HSPA4L: variants seen among roughly 807,000 people sequenced by gnomAD.
HSPA4L encodes the protein heat shock 70 kDa protein 4L.
A neutral mutation model predicts 100.3 loss-of-function variants in HSPA4L; 48 were observed. The observed-to-expected ratio is 0.48, with a 90% CI of 0.38 to 0.61. The LOEUF (loss-of-function observed/expected upper bound fraction) is 0.61, where lower values mean the gene tolerates loss of function less well. Ranked by LOEUF, HSPA4L falls within the 20% of genes least tolerant of loss-of-function variation. HSPA4L has a pLI of 0.00. For missense variants in HSPA4L, 886 were observed against 988.6 expected, an observed-to-expected ratio of 0.90 and a Z score of 1.39; for synonymous variants, 319 against 328.2, an observed-to-expected ratio of 0.97 and a Z score of 0.30.
chr4:127,785,250 T>C (rs1033907195), intron 1 of HSPA4L, among the ~76,000 whole-genome samples: 1 of 152,170 alleles, frequency 6.6e-6, no homozygotes, highest in African/African-American at 2.4e-5. Flanking sequence ...CCTGCATAAA[T>C]TGAAGAGACA....
intron 1 of HSPA4L, among the ~76,000 whole-genome samples, chr4:127,793,344 A>C (rs1560652391): frequency 6.6e-6 from 1 of 152,064 alleles, no homozygotes; most frequent in Non-Finnish European, 1.5e-5. Context: ...TTTTCAATAG[A>C]CTATACATTC....
chr4:127,782,633 A>G lies in HSPA4L; in HGVS notation c.83A>G (p.Asn28Ser), dbSNP rs149145774. 9 of 1,613,686 alleles carry G rather than the reference A, an allele frequency of 5.6e-6. No individual in the cohort carries two copies. Among genetic ancestry groups the G allele is most frequent in the Non-Finnish European group, 6.8e-6 (8 of 1,179,836 alleles). The change falls in exon 1 of 19, where the codon AAT becomes AGT. Residue 28 changes from asparagine (N) to serine (S), a missense_variant. Coordinates refer to ENST00000296464, the MANE Select transcript of HSPA4L (RefSeq NM_014278.4). ...AGTGGCGGCATCGAGACCATCGCCA[A>G]TGAGTACAGCGACAGGTGTACCCCG... ...ARSGGIETIA[N>S]EYSDRCTPAC... is the part of the protein sequence containing the mutation.
rs1171402004 is a variant in HSPA4L, at chr4:127,840,339, C to T, written c.*7465C>T. 3.3e-5 allele frequency: 5 copies of T among 152,116 alleles called. No individual in the cohort carries two copies. Among genetic ancestry groups the T allele is most frequent in the African/African-American group, 1.2e-4 (5 of 41,420 alleles). The allele number at this position is 152,116 out of a possible 1,614,324, so 9.4% of individuals were successfully genotyped here. ...ACAATTCCTCTTTTTAAGAGAGGTA[C>T]TACATTTGATTTCTCAATTTCTCAG... On this transcript the variant is annotated 3_prime_UTR_variant, in exon 19 of 19. Coordinates refer to ENST00000296464, the MANE Select transcript of HSPA4L (RefSeq NM_014278.4).
Position 127,797,602 on chromosome 4 carries a change from A to T in HSPA4L, c.307-985A>T, listed in dbSNP as rs868239799. On this transcript the variant is annotated intron_variant, in intron 3 of 18. Coordinates refer to ENST00000296464, the MANE Select transcript of HSPA4L (RefSeq NM_014278.4). ...TTTATTTCATCTAACTTTAAAAAAA[A>T]TTTTTTTTTTTTTTTTTGAGACGGA... Among the ~76,000 whole-genome samples the T allele has an allele frequency of 5.2e-3, 709 of 136,766 alleles. 8 individuals are homozygous for T. The highest frequency in any genetic ancestry group is 0.018 in the African/African-American group (637 of 36,234). 89.7% of individuals were successfully genotyped at this position (136,766 alleles called of 152,430 possible). A position where few individuals can be genotyped will look rare whatever the true frequency, so the allele number is the denominator to read the frequency against.
intron 18 of HSPA4L, among the ~76,000 whole-genome samples, 176 bp from the exon 19 acceptor site, chr4:127,832,493 CACAGACATATACTA>C (rs1734107266): frequency 6.6e-6 from 1 of 152,042 alleles, no homozygotes; most frequent in South Asian, 2.1e-4. Context: ...TTTTGACTGC[CACAGACATATACTA>C]ACAAACAAGG....
intron 16 of HSPA4L, among the ~76,000 whole-genome samples, chr4:127,827,077 C>T (rs543452012): frequency 6.6e-6 from 1 of 152,170 alleles, no homozygotes; most frequent in South Asian, 2.1e-4. Flanking sequence ...ATTTGAGAAG[C>T]TAAGAAGTAA....
In HSPA4L at chr4:127,834,547, T is replaced by C. The variant is rs1734161786; in HGVS notation, c.*1673T>C. 1 of 152,218 alleles carries C rather than the reference T, an allele frequency of 6.6e-6. No homozygotes were observed. Among genetic ancestry groups the C allele is most frequent in the South Asian group, 2.1e-4 (1 of 4,832 alleles). 9.4% of individuals were successfully genotyped at this position (152,218 alleles called of 1,614,324 possible). ...ATAAACTTAATATATTTTTAAACTC[T>C]CCTAGTCTTTAAACTTTCTCTTAAT... On this transcript the variant is annotated 3_prime_UTR_variant, in exon 19 of 19. Transcript: ENST00000296464.
At chr4:127,788,419 C>T (rs1012142390) in intron 1 of HSPA4L, among the ~76,000 whole-genome samples, 1 of 152,208 alleles carries the variant, frequency 6.6e-6, no homozygotes, top group Non-Finnish European at 1.5e-5. Context: ...TCTTCCCCCT[C>T]CCCCTTCTAG....
Position 127,805,255 on chromosome 4 carries a change from G to A in HSPA4L, c.1137+31G>A, listed in dbSNP as rs1733319599. The A allele has an allele frequency of 2.6e-6, 4 of 1,552,692 alleles. No homozygotes were observed. The South Asian group carries it at 4.9e-5, about 19-fold the overall frequency. ...ATTGTTATTTTATTTTTTAGAATAT[G>A]TATTTTGCCAGAAATGAGTGATAGA... is the stretch of plus-strand genomic sequence containing the variant. On this transcript the variant is annotated intron_variant, in intron 9 of 18. Transcript: ENST00000296464.
At chr4:127,808,151 C>G (rs758866358) in intron 11 of HSPA4L, 22 bp downstream of exon 11, 1 of 1,573,282 alleles carries the variant, frequency 6.4e-7, no homozygotes, top group Non-Finnish European at 8.6e-7. Flanking sequence ...AAAAGTTCTC[C>G]ATAACATTTT....
In HSPA4L at chr4:127,801,192, G is replaced by A. The variant is rs145179103; in HGVS notation, c.484G>A (p.Val162Ile). 1.0e-3 allele frequency: 1,678 copies of A among 1,612,978 alleles called. 6 individuals carry two copies. The highest frequency in any genetic ancestry group is 2.5e-3 in the Admixed American group (149 of 59,814). ...AAGATCTGTGATGGCTGCAGCCCAG[G>A]TTGCAGGCTTAAATTGTTTAAGGTT... Reference protein sequence around the residue: ...ERRSVMAAAQVAGLNCLRLMN... With the variant: ...ERRSVMAAAQIAGLNCLRLMN... Residue 162 changes from valine to isoleucine, a missense_variant, in exon 5 of 19, where the codon GTT becomes ATT. Val to Ile is a conservative substitution (Grantham distance 29). Coordinates refer to ENST00000296464, the MANE Select transcript of HSPA4L (RefSeq NM_014278.4).
chr4:127,814,355 T>C (rs1733618084), intron 12 of HSPA4L, among the ~76,000 whole-genome samples: 1 of 152,202 alleles, frequency 6.6e-6, no homozygotes, highest in Admixed American at 6.5e-5. Flanking sequence ...TAGCTAACAT[T>C]ATGGATCATA....
At chr4:127,814,596 CTCGCTCTG>C (rs1387200542) in intron 12 of HSPA4L, among the ~76,000 whole-genome samples, 1 of 151,958 alleles carries the variant, frequency 6.6e-6, no homozygotes, top group African/African-American at 2.4e-5. Context: ...GAGACGGAGT[CTCGCTCTG>C]TCGCCCAGGC....
upstream of HSPA4L, chr4:127,782,080 C>A: frequency 4.4e-6 from 2 of 455,718 alleles, no homozygotes; most frequent in South Asian, 3.1e-5. Context: ...CCTCCTTTCC[C>A]CGATCCTCCC....
chr4:127,812,031 T>A (rs1733544548), intron 12 of HSPA4L, among the ~76,000 whole-genome samples: 1 of 152,178 alleles, frequency 6.6e-6, no homozygotes, highest in African/African-American at 2.4e-5. Flanking sequence ...AAATACATGC[T>A]TAATAAATAA....
intron 16 of HSPA4L, among the ~76,000 whole-genome samples, chr4:127,825,973 AG>A (rs1733941226): frequency 6.6e-6 from 1 of 151,890 alleles, no homozygotes; most frequent in Non-Finnish European, 1.5e-5. Context: ...CAAGCAGCTG[AG>A]GCCAGTAGAA....
At chr4:127,800,304 T>C (rs1015923777) in intron 4 of HSPA4L, among the ~76,000 whole-genome samples, 3 of 151,982 alleles carry the variant, frequency 2.0e-5, no homozygotes, top group Non-Finnish European at 4.4e-5. Context: ...ACAGTTTTGT[T>C]TTGTTTTTTT....
intron 1 of HSPA4L, among the ~76,000 whole-genome samples, chr4:127,790,017 C>T (rs1732828653): frequency 1.3e-5 from 2 of 152,282 alleles, no homozygotes; most frequent in South Asian, 2.1e-4. Flanking sequence ...CTGGGCATTT[C>T]CAAGCCTGGT....
At chr4:127,823,027 C>A in intron 15 of HSPA4L, 133 bp downstream of exon 15, 2 of 747,674 alleles carry the variant, frequency 2.7e-6, no homozygotes, top group South Asian at 3.0e-5. Flanking sequence ...GGGGAAGGTT[C>A]TTATTTTTAC....
Sources: gnomAD v4.1 joint callset for allele counts (sites outside exome capture counted in the v4.1 genomes callset) on GRCh38, gnomAD v4.1.1 for gene constraint, MANE v1.5 for transcripts, NCBI Gene and HGNC (gene_info 2026-07-23, HGNC 2026-07-21) for gene names.